The following NCL variants were observed in gnomAD, a reference collection of about 807,000 sequenced individuals.
NCL encodes nucleolin multifunctional protein.
Under a neutral mutation model 77.7 loss-of-function variants are expected in NCL, and 4 were observed. That is an observed-to-expected ratio of 0.05 (90% confidence interval 0.03 to 0.12). NCL has a LOEUF of 0.12. Among genes scored for constraint, NCL ranks in the 10% least tolerant of loss-of-function variants. NCL has a pLI of 1.00. For synonymous variants in NCL, 344 were observed against 297.8 expected (o/e 1.16, Z -1.60); for missense variants, 763 against 860.9 (o/e 0.89, Z 1.42).
At chr2:231,464,113 C>G in intron 1 of NCL, 2 of 1,376,292 alleles carry the variant, frequency 1.5e-6, no homozygotes, top group Non-Finnish European at 1.9e-6. Context: ...GTGACTCTGT[C>G]TTTCCCGCCG....
At position 231,461,577 on chromosome 2, in the gene NCL, GTCATCCTCATCGTCC is replaced by G. The variant is rs773819092; in HGVS notation, c.561_575del (p.Glu187_Asp191del). 11 of 1,612,740 alleles carry G rather than the reference GTCATCCTCATCGTCC, an allele frequency of 6.8e-6. No homozygotes were observed. The highest frequency in any genetic ancestry group is 2.2e-5 in the East Asian group (1 of 44,874). On this transcript the variant is annotated inframe_deletion, in exon 3 of 14. Coordinates refer to ENST00000322723, the MANE Select transcript of NCL (RefSeq NM_005381.3). ...CGTCATCGTCATCCTCATCATCTTC[GTCATCCTCATCGTCC>G]TCATCCTCTGAGGCAGGGGCAGCAG...
chr2:231,462,161 C>T (rs1025845079), intron 2 of NCL, 144 bp from the exon 3 acceptor site: 2 of 1,111,556 alleles, frequency 1.8e-6, no homozygotes, highest in African/African-American at 3.1e-5. Context: ...AAACTCCAGG[C>T]TTCTGTTATG....
chr2:231,462,068 A>C (rs776145061), intron 2 of NCL, 51 bp from the exon 3 acceptor site: 6 of 1,596,426 alleles, frequency 3.8e-6, no homozygotes, highest in Non-Finnish European at 5.1e-6. Flanking sequence ...ACACCCAAAA[A>C]GATAACCATG....
intron 7 of NCL, chr2:231,458,673 C>T (rs1338328813): frequency 2.1e-6 from 1 of 468,858 alleles, no homozygotes; most frequent in East Asian, 3.9e-5. Flanking sequence ...CAAAACATTA[C>T]AACTGTATAT....
chr2:231,458,074 A>G (rs2046909115), intron 8 of NCL, among the ~76,000 whole-genome samples, 192 bp downstream of exon 8: 1 of 152,210 alleles, frequency 6.6e-6, no homozygotes, highest in African/African-American at 2.4e-5. Context: ...CTTTGTAAGT[A>G]TTAGCTTGTC....
rs758559474 is a variant in NCL at position 231,460,752 on chromosome 2, T to C, written c.728A>G (p.Glu243Gly). 6.2e-7 allele frequency: 1 copy of C among 1,613,262 alleles called. No individual in the cohort carries two copies. Among genetic ancestry groups the C allele is most frequent in the East Asian group, 2.2e-5 (1 of 44,814 alleles). ...AEDEDEEEDD[E>G]DEDDDDDEDD... ...TTCGTCGTCGTCGTCATCCTCGTCC[T>C]CATCATCCTCTTCTTCATCTTCATC... Residue 243 changes from glutamate (E) to glycine (G), a missense_variant, in exon 4 of 14, where the codon GAG (glutamate) becomes GGG (glycine). Around this residue, in one of 2 missense-constraint regions of NCL, gnomAD observed 590 missense variants for 570.5 expected, o/e 1.03. Transcript: ENST00000322723.
At chr2:231,458,797 A>G (rs1156662183) in intron 7 of NCL, 1 of 525,338 alleles carries the variant, frequency 1.9e-6, no homozygotes, top group Non-Finnish European at 3.1e-6. Flanking sequence ...TGCCTAACTC[A>G]GGAATTTACA....
In NCL at chr2:231,455,045, A is replaced by T; in HGVS notation, c.*146T>A. On this transcript the variant is annotated 3_prime_UTR_variant, in exon 14 of 14. Transcript: ENST00000322723. ...AAACCAACACGGTATTGCCCTTGAA[A>T]TGTTAACTAGACGGATTTCCAAGGA... 3 of 852,658 alleles carry T rather than the reference A, an allele frequency of 3.5e-6. No individual in the cohort carries two copies. The highest frequency in any genetic ancestry group is 5.6e-6 in the Non-Finnish European group (3 of 537,016). 52.8% of individuals were successfully genotyped at this position (852,658 alleles called of 1,614,324 possible).
chr2:231,462,336 T>A (rs541393504), intron 2 of NCL, among the ~76,000 whole-genome samples: 1 of 152,334 alleles, frequency 6.6e-6, no homozygotes, highest in South Asian at 2.1e-4. Flanking sequence ...CATCCTTACA[T>A]GTTTAAGGAT....
At chr2:231,457,244 A>T in intron 9 of NCL, 120 bp from the exon 10 acceptor site, 1 of 1,382,088 alleles carries the variant, frequency 7.2e-7, no homozygotes, top group South Asian at 1.2e-5. Flanking sequence ...AATACTCATG[A>T]CGTAAGCTAA....
At chr2:231,464,128 C>A (rs2046977940) in intron 1 of NCL, 1 of 1,381,986 alleles carries the variant, frequency 7.2e-7, no homozygotes, top group Non-Finnish European at 9.4e-7. Context: ...CCGCCGCGTT[C>A]GCCGCCCCCA....
At chr2:231,462,956 A>T (rs543648851) in intron 2 of NCL, 1 of 467,394 alleles carries the variant, frequency 2.1e-6, no homozygotes, top group Non-Finnish European at 3.8e-6. Flanking sequence ...AACACAACAA[A>T]TCACACTCCA....
chr2:231,461,420 G>C (rs1241069123), intron 3 of NCL, 120 bp downstream of exon 3: 3 of 1,479,580 alleles, frequency 2.0e-6, no homozygotes, highest in African/African-American at 1.4e-5. Context: ...CAACAACCCA[G>C]AGAATTCCCA....
intron 6 of NCL, 106 bp downstream of exon 6, chr2:231,460,046 T>C: frequency 8.0e-7 from 1 of 1,253,646 alleles, no homozygotes; most frequent in Non-Finnish European, 1.1e-6. Context: ...TTGAAGATGT[T>C]TACAGTATTC....
rs777322052 is a variant in NCL, at chr2:231,461,515, A to T, written c.613+25T>A. The T allele has an allele frequency of 2.5e-6, 4 of 1,605,796 alleles. No homozygotes were observed. In the African/African-American group the frequency reaches 4.0e-5, roughly 16 times the overall value. ...CAAGATACCTTGTAATCAGAAGCCC[A>T]GTAACTACCAAGACAACTCCTTACC... is the stretch of plus-strand genomic sequence containing the variant. On this transcript the variant is annotated intron_variant, in intron 3 of 13. Coordinates refer to ENST00000322723, the MANE Select transcript of NCL (RefSeq NM_005381.3).
At chr2:231,463,404 C>T (rs750788333) in intron 1 of NCL, 88 bp from the exon 2 acceptor site, 2 of 845,902 alleles carry the variant, frequency 2.4e-6, no homozygotes, top group Non-Finnish European at 4.0e-6. Context: ...ACGCCATCAT[C>T]TCCGTCCTCA....
intron 2 of NCL, 164 bp from the exon 3 acceptor site, chr2:231,462,181 G>C (rs963962513): frequency 1.1e-6 from 1 of 940,636 alleles, no homozygotes; most frequent in Admixed American, 1.9e-5. Flanking sequence ...GTTGTCTTAA[G>C]TCAGAGCCCC....
intron 3 of NCL, 55 bp downstream of exon 3, chr2:231,461,485 A>C (rs1205744227): frequency 6.3e-7 from 1 of 1,578,692 alleles, no homozygotes; most frequent in Non-Finnish European, 8.6e-7. Flanking sequence ...TTGATCCCAG[A>C]ATCTCAAGAT....
chr2:231,463,388 G>A, intron 1 of NCL, 72 bp from the exon 2 acceptor site: 1 of 960,284 alleles, frequency 1.0e-6, no homozygotes, highest in Middle Eastern at 2.1e-4. Flanking sequence ...TGCCATTAGT[G>A]TTCATACGCC....
Sources: allele counts gnomAD v4.1 joint callset (sites outside exome capture counted in the v4.1 genomes callset), GRCh38; gene constraint gnomAD v4.1.1; regional missense constraint gnomAD v4.1.1; transcripts MANE v1.5; gene names NCBI Gene and HGNC (gene_info 2026-07-23, HGNC 2026-07-21).